HECW2: variants seen among roughly 807,000 people sequenced by gnomAD.
HECW2 encodes E3 ubiquitin-protein ligase HECW2.
In HECW2, 61 loss-of-function variants were observed where a neutral mutation model predicts 175.2. The observed-to-expected ratio is 0.35, with a 90% CI of 0.28 to 0.43. HECW2 has a LOEUF of 0.43. Ranked by LOEUF, HECW2 falls within the 20% of genes least tolerant of loss-of-function variation. The probability of loss-of-function intolerance (pLI) is 1.00; values close to 1 mark genes in which losing one functional copy is unlikely to be tolerated. For synonymous variants in HECW2, 671 were observed against 731.0 expected, an observed-to-expected ratio of 0.92 and a Z score of 1.32; for missense variants, 1,524 against 2,000.5, an observed-to-expected ratio of 0.76 and a Z score of 4.54.
intron 16 of HECW2, 53 bp downstream of exon 16, chr2:196,273,968 G>A (rs1689844412): frequency 3.1e-6 from 4 of 1,296,958 alleles, no homozygotes; most frequent in Non-Finnish European, 4.5e-6. Flanking sequence ...CAGTGTACAT[G>A]GTACAGATAA....
intron 1 of HECW2, among the ~76,000 whole-genome samples, chr2:196,543,892 G>A (rs138166115): frequency 0.013 from 1,911 of 152,272 alleles, 40 homozygotes; most frequent in African/African-American, 0.044. Flanking sequence ...GATTACAGGC[G>A]TGAGCCATTG....
intron 1 of HECW2, among the ~76,000 whole-genome samples, chr2:196,494,004 A>G (rs1157750184): frequency 1.3e-5 from 2 of 152,240 alleles, no homozygotes; most frequent in African/African-American, 4.8e-5. Context: ...AAAGGGTGTG[A>G]CTAACCTGCT....
intron 2 of HECW2, among the ~76,000 whole-genome samples, chr2:196,416,043 T>C (rs1695247094): frequency 6.6e-6 from 1 of 152,222 alleles, no homozygotes; most frequent in African/African-American, 2.4e-5. Flanking sequence ...TTCGTATCTT[T>C]CTCTTAATAG....
At chr2:196,461,847 C>T (rs930868676) in intron 1 of HECW2, among the ~76,000 whole-genome samples, 2 of 152,026 alleles carry the variant, frequency 1.3e-5, no homozygotes, top group Non-Finnish European at 2.9e-5. Flanking sequence ...GCCTGACACA[C>T]GGGGATTATG....
intron 22 of HECW2, among the ~76,000 whole-genome samples, chr2:196,227,009 C>T (rs1199159744): frequency 6.6e-6 from 1 of 152,134 alleles, no homozygotes; most frequent in African/African-American, 2.4e-5. Context: ...TGATGCCTTC[C>T]AAAAGTATAA....
rs111834602 is a variant in HECW2 at position 196,538,832 on chromosome 2, T to C, written c.-36+54676A>G. 3.4e-3 allele frequency among the ~76,000 whole-genome samples: 510 copies of C among 152,194 alleles called. 3 individuals carry two copies. Among genetic ancestry groups the C allele is most frequent in the African/African-American group, 0.01 (425 of 41,512 alleles). ...GCTGCTCATCAAAACTCACCAGCAA[T>C]AAAAGCTTAGCAGTCACCTAGGAAC... On this transcript the variant is annotated intron_variant, in intron 1 of 28. Coordinates refer to ENST00000644978, the MANE Select transcript of HECW2 (RefSeq NM_001348768.2).
chr2:196,273,879 T>C (rs1689840072), intron 16 of HECW2, 142 bp downstream of exon 16: 4 of 581,342 alleles, frequency 6.9e-6, no homozygotes, highest in Admixed American at 3.3e-5. Flanking sequence ...GATTTTGTTA[T>C]ACATTTCTTA....
chr2:196,227,090 G>T (rs922100091), intron 22 of HECW2, among the ~76,000 whole-genome samples: 1 of 152,198 alleles, frequency 6.6e-6, no homozygotes, highest in Non-Finnish European at 1.5e-5. Context: ...ACAATGTCCA[G>T]CAGTATGGTT....
chr2:196,477,562 A>G (rs1315384700), intron 1 of HECW2, among the ~76,000 whole-genome samples: 1 of 151,744 alleles, frequency 6.6e-6, no homozygotes, highest in African/African-American at 2.4e-5. Context: ...AATTTCACAC[A>G]AAGTCTATGC....
chr2:196,534,544 A>T (rs1290956364), intron 1 of HECW2, among the ~76,000 whole-genome samples: 4 of 152,198 alleles, frequency 2.6e-5, no homozygotes, highest in Admixed American at 1.3e-4. Flanking sequence ...ATGATAGCTG[A>T]ATCTTCTTCT....
At chr2:196,522,025 A>G (rs1248697229) in intron 1 of HECW2, among the ~76,000 whole-genome samples, 1 of 152,166 alleles carries the variant, frequency 6.6e-6, no homozygotes, top group African/African-American at 2.4e-5. Context: ...GTCAAATGGT[A>G]TTTCTAGTTC....
intron 1 of HECW2, among the ~76,000 whole-genome samples, chr2:196,504,859 C>T (rs1687700474): frequency 6.6e-6 from 1 of 151,960 alleles, no homozygotes; most frequent in Non-Finnish European, 1.5e-5. Flanking sequence ...CTTTTATCAA[C>T]CATAATTACT....
intron 15 of HECW2, among the ~76,000 whole-genome samples, chr2:196,277,110 G>A (rs1689986482): frequency 6.6e-6 from 1 of 152,174 alleles, no homozygotes; most frequent in Non-Finnish European, 1.5e-5. Context: ...CCCATATGAA[G>A]GAGAAGAAAA....
At chr2:196,225,672 T>C in intron 23 of HECW2, 100 bp downstream of exon 23, 1 of 728,484 alleles carries the variant, frequency 1.4e-6, no homozygotes, top group Non-Finnish European at 2.4e-6. Context: ...AAATTTGAGA[T>C]TGTGAACAGA....
chr2:196,543,394 T>C (rs1186238844), intron 1 of HECW2, among the ~76,000 whole-genome samples: 2 of 151,944 alleles, frequency 1.3e-5, no homozygotes, highest in East Asian at 1.9e-4. Context: ...TCTGGAAATA[T>C]TATAATGTAT....
In HECW2 at chr2:196,367,876, T is replaced by TGTG. The variant is rs1553508124; in HGVS notation, c.293-24113_293-24112insCAC. 2.5e-3 allele frequency among the ~76,000 whole-genome samples: 366 copies of TGTG among 144,996 alleles called. 3 individuals are homozygous for TGTG. The highest frequency in any genetic ancestry group is 0.016 in the East Asian group (82 of 5,060). ...CCATTGTGTGTGTGTGTGTGTGTGT[T>TGTG]TGTGTGTGTGTGTGTGTATGGTACA... On this transcript the variant is annotated intron_variant, in intron 2 of 28. Transcript: ENST00000644978.
At chr2:196,526,721 G>C (rs1426820729) in intron 1 of HECW2, among the ~76,000 whole-genome samples, 3 of 151,556 alleles carry the variant, frequency 2.0e-5, no homozygotes. Context: ...CTGCAGGTCT[G>C]TTGGAATACC....
intron 1 of HECW2, among the ~76,000 whole-genome samples, chr2:196,538,052 G>A (rs1689079464): frequency 6.6e-6 from 1 of 152,196 alleles, no homozygotes; most frequent in Non-Finnish European, 1.5e-5. Context: ...GTCTGGATCA[G>A]GACCCCTGTC....
At chr2:196,257,135 G>A (rs1251067743) in intron 18 of HECW2, among the ~76,000 whole-genome samples, 2 of 152,128 alleles carry the variant, frequency 1.3e-5, no homozygotes, top group Admixed American at 1.3e-4. Context: ...CCAACCACTG[G>A]GTAGAGCAAA....
Sources: gnomAD v4.1 joint callset for allele counts (sites outside exome capture counted in the v4.1 genomes callset) on GRCh38, gnomAD v4.1.1 for gene constraint, MANE v1.5 for transcripts, NCBI Gene and HGNC (gene_info 2026-07-23, HGNC 2026-07-21) for gene names.